Variants in PHF21A observed in about 807,000 individuals in gnomAD.
The protein encoded by PHF21A is PHD finger protein 21A, also known as BHC80a.
Under a neutral mutation model 82.5 loss-of-function variants are expected in PHF21A, and 11 were observed. That is an observed-to-expected ratio of 0.13 (90% CI 0.08 to 0.22). PHF21A has a LOEUF of 0.22. PHF21A is among the 10% of genes least tolerant of loss of function. PHF21A has a pLI of 1.00. For synonymous variants in PHF21A, 297 were observed against 302.8 expected, an observed-to-expected ratio of 0.98 and a Z score of 0.20; for missense variants, 579 against 837.8, an observed-to-expected ratio of 0.69 and a Z score of 3.81.
chr11:45,994,086 G>A (rs566631624), intron 6 of PHF21A, among the ~76,000 whole-genome samples: 1 of 152,066 alleles, frequency 6.6e-6, no homozygotes, highest in South Asian at 2.1e-4. Flanking sequence ...ATACTTCCTC[G>A]TCTACATAGT....
Position 45,934,039 on chromosome 11 carries a change from A to G in PHF21A, c.1975T>C (p.Ser659Pro), listed in dbSNP as rs2088125420. Residue 659 changes from serine to proline, a missense_variant, in exon 19 of 19, where the codon TCC becomes CCC. Coordinates refer to ENST00000676320, the MANE Select transcript of PHF21A (RefSeq NM_001352027.3). ...DCTPPANAAT[S>P]TPAPSPSSQS... ...GAGGAGGGGGAAGGGGCCGGCGTGG[A>G]GGTGGCGGCATTGGCAGGGGGGGTG... The G allele has an allele frequency of 6.2e-7, 1 of 1,612,766 alleles. No homozygotes were observed. Among genetic ancestry groups the G allele is most frequent in the Non-Finnish European group, 8.5e-7 (1 of 1,179,356 alleles).
intron 6 of PHF21A, among the ~76,000 whole-genome samples, chr11:46,067,599 A>AC (rs928886371): frequency 0.012 from 25 of 2,062 alleles, no homozygotes; most frequent in Non-Finnish European, 0.037. Flanking sequence ...CACCCCCCAC[A>AC]AAAAAAAAAA....
At chr11:46,040,963 CCA>C (rs1360149182) in intron 6 of PHF21A, among the ~76,000 whole-genome samples, 1 of 149,690 alleles carries the variant, frequency 6.7e-6, no homozygotes, top group Non-Finnish European at 1.5e-5. Flanking sequence ...CTTGATCTAG[CCA>C]CAGTAAGAAT....
chr11:46,070,116 A>T (rs545629813), intron 6 of PHF21A, among the ~76,000 whole-genome samples: 3 of 152,322 alleles, frequency 2.0e-5, no homozygotes, highest in Admixed American at 1.3e-4. Context: ...TGTTTCAGTT[A>T]CCTAATTAGC....
At chr11:46,007,516 G>A (rs969324321) in intron 6 of PHF21A, among the ~76,000 whole-genome samples, 1 of 152,034 alleles carries the variant, frequency 6.6e-6, no homozygotes, top group African/African-American at 2.4e-5. Context: ...GTTTCACCCT[G>A]TTGCCCAGGC....
chr11:46,030,805 T>C (rs1248104156), intron 6 of PHF21A, among the ~76,000 whole-genome samples: 3 of 145,164 alleles, frequency 2.1e-5, no homozygotes, highest in Non-Finnish European at 4.5e-5. Context: ...CTAAACCACA[T>C]AGTGTGTGTG....
intron 10 of PHF21A, among the ~76,000 whole-genome samples, chr11:45,958,158 G>A (rs2092801444): frequency 6.6e-6 from 1 of 151,436 alleles, no homozygotes; most frequent in African/African-American, 2.4e-5. Context: ...GGATCAGATG[G>A]TTTTATTAGT....
chr11:45,939,540 T>C (rs1410877840), intron 15 of PHF21A, among the ~76,000 whole-genome samples: 1 of 152,090 alleles, frequency 6.6e-6, no homozygotes, highest in Non-Finnish European at 1.5e-5. Flanking sequence ...AACCAGTATT[T>C]TGTGTTTGCT....
chr11:46,028,571 C>CTT (rs869035139), intron 6 of PHF21A, among the ~76,000 whole-genome samples: 86 of 106,308 alleles, frequency 8.1e-4, no homozygotes, highest in Non-Finnish European at 9.8e-4. Flanking sequence ...AAAAGCTTGC[C>CTT]TTTTTTTTTT....
rs961424938 is a variant in PHF21A at position 46,092,205 on chromosome 11, C to T, written c.-218G>A. The T allele has an allele frequency of 2.6e-5, 4 of 152,104 alleles. No individual in the cohort carries two copies. The highest frequency in any genetic ancestry group is 2.6e-4 in the Admixed American group (4 of 15,268). The allele number at this position is 152,104 out of a possible 1,614,324, so 9.4% of individuals were successfully genotyped here. On this transcript the variant is annotated 5_prime_UTR_variant, in exon 2 of 19. Coordinates refer to ENST00000676320, the MANE Select transcript of PHF21A (RefSeq NM_001352027.3). ...TACCAATTTTGGGGAAACTGGCTCT[C>T]CTTCAGCTCTCTAGCCCCCTATAAC...
Position 45,965,392 on chromosome 11 carries a change from T to C in PHF21A, c.919A>G (p.Ile307Val). 2 of 1,614,126 alleles carry C rather than the reference T, an allele frequency of 1.2e-6. No homozygotes were observed. The highest frequency in any genetic ancestry group is 1.7e-6 in the Non-Finnish European group (2 of 1,180,030). Residue 307 changes from isoleucine (I) to valine (V), a missense_variant, in exon 10 of 19, where the codon ATT (isoleucine) becomes GTT (valine). Physicochemically the swap from Ile to Val is conservative, Grantham distance 29. Around this residue, in one of 3 missense-constraint regions of PHF21A, gnomAD observed 410 missense variants for 642.1 expected, o/e 0.64. Transcript: ENST00000676320. ...KTFPMAQLTS[I>V]VIATPGTRLA... is the part of the protein sequence containing the mutation. ...CTGGTCCCTGGAGTAGCTATCACAA[T>C]GCTGGTGAGCTGGGCCATGGGGAAC...
chr11:45,956,102 A>G (rs968811119), intron 10 of PHF21A, among the ~76,000 whole-genome samples: 2 of 152,236 alleles, frequency 1.3e-5, no homozygotes, highest in African/African-American at 4.8e-5. Context: ...AGAAATTAAG[A>G]CATTCCCAGA....
At chr11:45,961,439 G>A (rs915459533) in intron 10 of PHF21A, among the ~76,000 whole-genome samples, 1 of 152,236 alleles carries the variant, frequency 6.6e-6, no homozygotes, top group African/African-American at 2.4e-5. Flanking sequence ...TTAAAATGGG[G>A]TAAGGGGAGG....
At chr11:45,946,515 C>A (rs1240057406) in intron 14 of PHF21A, among the ~76,000 whole-genome samples, 1 of 152,174 alleles carries the variant, frequency 6.6e-6, no homozygotes, top group African/African-American at 2.4e-5. Context: ...TCCCACGTAG[C>A]TGGGACAACA....
intron 1 of PHF21A, among the ~76,000 whole-genome samples, chr11:46,105,972 C>T (rs922960726): frequency 9.9e-5 from 15 of 152,040 alleles, no homozygotes; most frequent in African/African-American, 2.9e-4. Context: ...GTATTAGGCA[C>T]GGATTTAATA....
At chr11:46,017,605 A>G (rs965271735) in intron 6 of PHF21A, among the ~76,000 whole-genome samples, 1 of 151,708 alleles carries the variant, frequency 6.6e-6, no homozygotes, top group African/African-American at 2.4e-5. Flanking sequence ...CACCTCCCTC[A>G]TCTCCTCAAA....
At chr11:46,118,255 A>G (rs1309802498) in intron 1 of PHF21A, 3 of 152,322 alleles carry the variant, frequency 2.0e-5, no homozygotes, top group African/African-American at 7.2e-5. Flanking sequence ...GACTTGCCTC[A>G]GTCCAAAATA....
chr11:46,070,011 A>T (rs1592778047), intron 6 of PHF21A, among the ~76,000 whole-genome samples: 1 of 152,224 alleles, frequency 6.6e-6, no homozygotes, highest in Non-Finnish European at 1.5e-5. Context: ...AAAGAGACAT[A>T]TTAAGTTATT....
chr11:45,940,980 C>T (rs1479721112), intron 15 of PHF21A, among the ~76,000 whole-genome samples: 1 of 152,226 alleles, frequency 6.6e-6, no homozygotes, highest in Admixed American at 6.5e-5. Context: ...AACTTCCTAT[C>T]TGGTGTATAT....
Sources: allele counts gnomAD v4.1 joint callset (sites outside exome capture counted in the v4.1 genomes callset), GRCh38; gene constraint gnomAD v4.1.1; regional missense constraint gnomAD v4.1.1; transcripts MANE v1.5; gene names NCBI Gene and HGNC (gene_info 2026-07-23, HGNC 2026-07-21).